The following LY86 variants were observed in gnomAD, a reference collection of about 807,000 sequenced individuals.
The protein encoded by LY86 is MD-1, RP105-associated.
In LY86, 20 loss-of-function variants were observed where a neutral mutation model predicts 17.3. The observed-to-expected ratio is 1.15, with a 90% CI of 0.81 to 1.68. The LOEUF (loss-of-function observed/expected upper bound fraction) is 1.68, where lower values mean the gene tolerates loss of function less well. Ranked by LOEUF, LY86 falls within the 40% of genes most tolerant of loss-of-function variation. The pLI, the probability that LY86 is intolerant of heterozygous loss-of-function variation, is 0.00. For synonymous variants in LY86, 74 were observed against 70.6 expected, an observed-to-expected ratio of 1.05 and a Z score of -0.24; for missense variants, 200 against 191.9, an observed-to-expected ratio of 1.04 and a Z score of -0.25.
chr6:6,605,362 G>A (rs781715899), intron 1 of LY86, among the ~76,000 whole-genome samples: 2 of 152,218 alleles, frequency 1.3e-5, no homozygotes, highest in Non-Finnish European at 2.9e-5. Flanking sequence ...TCAATTCTAG[G>A]CTTGGCTGGG....
chr6:6,592,036 A>T (rs758880074), intron 1 of LY86, among the ~76,000 whole-genome samples: 29 of 152,180 alleles, frequency 1.9e-4, no homozygotes, highest in Non-Finnish European at 1.6e-4. Context: ...CTCGGGCAGT[A>T]AGCAGGAGTG....
chr6:6,600,411 G>A (rs1037216702), intron 1 of LY86, among the ~76,000 whole-genome samples: 4 of 151,794 alleles, frequency 2.6e-5, no homozygotes, highest in South Asian at 2.1e-4. Flanking sequence ...CCAACATGAC[G>A]ATACCCTATT....
intron 1 of LY86, among the ~76,000 whole-genome samples, chr6:6,612,432 C>G (rs58886198): frequency 6.6e-6 from 1 of 152,060 alleles, no homozygotes; most frequent in African/African-American, 2.4e-5. Flanking sequence ...TAAAAGAAAC[C>G]GCAAACCTTC....
chr6:6,616,443 T>G (rs1286877223), intron 1 of LY86, among the ~76,000 whole-genome samples: 1 of 152,186 alleles, frequency 6.6e-6, no homozygotes, highest in Non-Finnish European at 1.5e-5. Context: ...GGAAGTCACT[T>G]CCCTGCCTGA....
At chr6:6,641,776 G>T (rs1369607196) in intron 3 of LY86, among the ~76,000 whole-genome samples, 1 of 151,888 alleles carries the variant, frequency 6.6e-6, no homozygotes, top group Non-Finnish European at 1.5e-5. Flanking sequence ...CTAGTTTGGG[G>T]TACCCCCAAG....
chr6:6,654,729 G>A lies in LY86; in HGVS notation c.*102G>A. ...GAGGAGAAGCAGCTGATGACAGAGAGAGGCTCTACAAAGAAGCGCCCCCAA... is the reference window on the plus strand; with the variant it reads ...GAGGAGAAGCAGCTGATGACAGAGAAAGGCTCTACAAAGAAGCGCCCCCAA... On this transcript the variant is annotated 3_prime_UTR_variant, in exon 5 of 5. Transcript: ENST00000230568. 9.8e-7 allele frequency: 1 copy of A among 1,020,130 alleles called. No individual in the cohort carries two copies. 63.2% of individuals were successfully genotyped at this position (1,020,130 alleles called of 1,614,324 possible). A position where few individuals can be genotyped will look rare whatever the true frequency, so the allele number is the denominator to read the frequency against.
intron 4 of LY86, among the ~76,000 whole-genome samples, chr6:6,654,090 C>A (rs145101544): frequency 5.9e-5 from 9 of 152,198 alleles, no homozygotes; most frequent in Admixed American, 1.3e-4. Context: ...CTCACCCCCC[C>A]CATCCCCCCA....
chr6:6,613,555 G>A (rs1314899278), intron 1 of LY86, among the ~76,000 whole-genome samples: 2 of 152,174 alleles, frequency 1.3e-5, no homozygotes, highest in Non-Finnish European at 2.9e-5. Flanking sequence ...GGGGCCCGCC[G>A]ATCCCACGCC....
At chr6:6,648,591 G>A (rs1049258750) in intron 3 of LY86, among the ~76,000 whole-genome samples, 2 of 152,060 alleles carry the variant, frequency 1.3e-5, no homozygotes, top group African/African-American at 2.4e-5. Flanking sequence ...CCTTACAGAC[G>A]CCTCCATGAC....
chr6:6,592,848 C>G (rs768627435), intron 1 of LY86, among the ~76,000 whole-genome samples: 43 of 152,112 alleles, frequency 2.8e-4, no homozygotes, highest in Non-Finnish European at 5.3e-4. Flanking sequence ...GCTGTTTAAG[C>G]CCCCCAGTCT....
chr6:6,633,193 C>T (rs140208323), intron 3 of LY86, among the ~76,000 whole-genome samples: 8 of 152,266 alleles, frequency 5.3e-5, no homozygotes, highest in Non-Finnish European at 8.8e-5. Flanking sequence ...GCTCCACAAG[C>T]TCTACCCAAT....
chr6:6,625,009 C>T lies in LY86; in HGVS notation c.220C>T (p.Leu74=). Residue 74 remains leucine (L), a synonymous_variant, in exon 2 of 5, where the codon CTG becomes TTG. Transcript: ENST00000230568. Reference sequence around the variant, plus strand: ...TATCAACATTAGATTTGGAATTATTCTGAGTAAGTAAAAAAAATGATTAGC... The same window carrying T: ...TATCAACATTAGATTTGGAATTATTTTGAGTAAGTAAAAAAAATGATTAGC... ...SNINIRFGII[L]REDIKELFLD... The T allele has an allele frequency of 7.0e-7, 1 of 1,423,754 alleles. No individual in the cohort carries two copies. Among genetic ancestry groups the T allele is most frequent in the South Asian group, 1.2e-5 (1 of 82,488 alleles). 88.2% of individuals were successfully genotyped at this position (1,423,754 alleles called of 1,614,324 possible). A position where few individuals can be genotyped will look rare whatever the true frequency, so the allele number is the denominator to read the frequency against.
At chr6:6,649,484 G>T in intron 3 of LY86, 141 bp from the exon 4 acceptor site, 5 of 593,138 alleles carry the variant, frequency 8.4e-6, no homozygotes, top group South Asian at 6.5e-5. Flanking sequence ...TGTAGATCAG[G>T]AAATGAAAAC....
intron 1 of LY86, among the ~76,000 whole-genome samples, chr6:6,603,931 T>G (rs1761008547): frequency 6.6e-6 from 1 of 152,048 alleles, no homozygotes; most frequent in Non-Finnish European, 1.5e-5. Context: ...CAAAAAAAAC[T>G]TATCTAACTC....
intron 1 of LY86, among the ~76,000 whole-genome samples, chr6:6,594,032 G>A (rs541455170): frequency 2.0e-5 from 3 of 152,346 alleles, no homozygotes; most frequent in South Asian, 4.1e-4. Flanking sequence ...TTTTGTTACT[G>A]GATGTTTGTA....
intron 1 of LY86, among the ~76,000 whole-genome samples, chr6:6,612,418 C>G (rs758501782): frequency 1.2e-4 from 18 of 152,192 alleles, no homozygotes; most frequent in Non-Finnish European, 2.5e-4. Context: ...TCTCACTGGC[C>G]TCATAAAAGA....
chr6:6,608,629 T>C (rs183764632), intron 1 of LY86, among the ~76,000 whole-genome samples: 32 of 152,370 alleles, frequency 2.1e-4, no homozygotes, highest in Non-Finnish European at 4.3e-4. Context: ...TGTCCAGTAA[T>C]GTTTCCATGC....
At chr6:6,652,299 C>T (rs888193138) in intron 4 of LY86, among the ~76,000 whole-genome samples, 16 of 152,010 alleles carry the variant, frequency 1.1e-4, no homozygotes, top group African/African-American at 2.7e-4. Flanking sequence ...CCGCAATGCA[C>T]GGAGGCTTTG....
intron 1 of LY86, among the ~76,000 whole-genome samples, chr6:6,615,746 C>T (rs1761538229): frequency 7.2e-6 from 1 of 139,210 alleles, no homozygotes; most frequent in South Asian, 2.3e-4. Flanking sequence ...AAAAGCTGGG[C>T]ACAGGCACAG....
Sources: gnomAD v4.1 joint callset for allele counts (sites outside exome capture counted in the v4.1 genomes callset) on GRCh38, gnomAD v4.1.1 for gene constraint, MANE v1.5 for transcripts, NCBI Gene and HGNC (gene_info 2026-07-23, HGNC 2026-07-21) for gene names.